Variants in RUNX2 observed in about 807,000 individuals in gnomAD.
RUNX2 encodes the protein RUNX family transcription factor 2, also known as runt-related transcription factor 2.
RUNX2 carries 10 observed loss-of-function variants against 51.7 expected under a neutral mutation model. The observed-to-expected ratio is 0.19, with a 90% CI of 0.12 to 0.33. The LOEUF (loss-of-function observed/expected upper bound fraction) is 0.33. Among genes scored for constraint, RUNX2 ranks in the 10% least tolerant of loss-of-function variants. The pLI, the probability that RUNX2 is intolerant of heterozygous loss-of-function variation, is 1.00. For missense variants in RUNX2, 562 were observed against 691.3 expected (o/e 0.81, Z 2.10); for synonymous variants, 276 against 273.6 (o/e 1.01, Z -0.09).
At chr6:45,440,196 A>G (rs779938250) in intron 5 of RUNX2, among the ~76,000 whole-genome samples, 2 of 152,208 alleles carry the variant, frequency 1.3e-5, no homozygotes, top group Non-Finnish European at 2.9e-5. Context: ...GGAGAGAAGC[A>G]TGGGTCTGCT....
intron 5 of RUNX2, among the ~76,000 whole-genome samples, chr6:45,479,821 A>G (rs10214519): frequency 0.26 from 40,252 of 152,152 alleles, 6,043 homozygotes; most frequent in Non-Finnish European, 0.34. Context: ...GCTTGAGAAT[A>G]ATACACTTTA....
At chr6:45,352,862 T>C (rs1425315957) in intron 2 of RUNX2, among the ~76,000 whole-genome samples, 2 of 152,106 alleles carry the variant, frequency 1.3e-5, no homozygotes, top group African/African-American at 2.4e-5. Flanking sequence ...GTTTTATATA[T>C]CTATAAAAAA....
intron 2 of RUNX2, among the ~76,000 whole-genome samples, chr6:45,341,869 T>C (rs556153008): frequency 1.3e-5 from 2 of 152,302 alleles, no homozygotes; most frequent in South Asian, 2.1e-4. Context: ...TTCACACTTA[T>C]TTCATCAGAA....
At chr6:45,380,871 G>A (rs768499498) in intron 2 of RUNX2, among the ~76,000 whole-genome samples, 3 of 152,148 alleles carry the variant, frequency 2.0e-5, no homozygotes, top group African/African-American at 7.2e-5. Flanking sequence ...CACCGCACCC[G>A]GCCAGAAGTG....
At position 45,473,949 on chromosome 6, in the gene RUNX2, C is replaced by A. The variant is rs562533164; in HGVS notation, c.686-17992C>A. On this transcript the variant is annotated intron_variant, in intron 5 of 8. Transcript: ENST00000647337. ...ATGGTCACCAGGTCCTGGAAAGAAG[C>A]AGGCTCAGCTGCCGCAGCACCGCCA... 9.8e-5 allele frequency among the ~76,000 whole-genome samples: 15 copies of A among 152,312 alleles called. No homozygotes were observed. In the South Asian group the frequency reaches 2.9e-3, roughly 29 times the overall value.
intron 2 of RUNX2, among the ~76,000 whole-genome samples, chr6:45,404,114 G>T (rs757166321): frequency 6.6e-6 from 1 of 151,820 alleles, no homozygotes; most frequent in Non-Finnish European, 1.5e-5. Flanking sequence ...ACAAAAATTA[G>T]CCGGGTGCGG....
At chr6:45,383,349 A>C (rs1269352735) in intron 2 of RUNX2, among the ~76,000 whole-genome samples, 1 of 152,138 alleles carries the variant, frequency 6.6e-6, no homozygotes, top group Non-Finnish European at 1.5e-5. Flanking sequence ...AGGCAGGAGA[A>C]TCGCTTGGAC....
At chr6:45,434,384 T>C (rs1798624099) in intron 4 of RUNX2, among the ~76,000 whole-genome samples, 1 of 152,216 alleles carries the variant, frequency 6.6e-6, no homozygotes, top group Non-Finnish European at 1.5e-5. Flanking sequence ...CTTTCCCGGC[T>C]TTAAATATTT....
At chr6:45,522,523 G>GT (rs1323748254) in intron 7 of RUNX2, among the ~76,000 whole-genome samples, 2 of 152,168 alleles carry the variant, frequency 1.3e-5, no homozygotes, top group East Asian at 3.9e-4. Context: ...TAAAAATTAC[G>GT]TATGTTTGAT....
intron 2 of RUNX2, chr6:45,372,165 A>C (rs939439419): frequency 3.5e-6 from 1 of 288,998 alleles, no homozygotes; most frequent in African/African-American, 2.3e-5. Context: ...GTTAAATTAT[A>C]GGCTCTAACA....
At chr6:45,371,889 G>A (rs1796125333) in intron 2 of RUNX2, 1 of 943,506 alleles carries the variant, frequency 1.1e-6, no homozygotes, top group Non-Finnish European at 1.3e-6. Context: ...CATTTTTCAG[G>A]TGAGGAACTG....
intron 4 of RUNX2, among the ~76,000 whole-genome samples, chr6:45,432,838 G>T (rs1330748164): frequency 1.3e-5 from 2 of 152,116 alleles, no homozygotes; most frequent in East Asian, 3.9e-4. Context: ...GAAGCATTAT[G>T]CTTATTTATT....
At chr6:45,482,266 T>A (rs990517044) in intron 5 of RUNX2, among the ~76,000 whole-genome samples, 1 of 152,212 alleles carries the variant, frequency 6.6e-6, no homozygotes, top group South Asian at 2.1e-4. Flanking sequence ...ACGTCTCAAG[T>A]TTTTTTAGTC....
Position 45,547,353 on chromosome 6 carries a change from GT to G in RUNX2, c.*49del. 7.4e-7 allele frequency: 1 copy of G among 1,342,890 alleles called. No individual in the cohort carries two copies. Among genetic ancestry groups the G allele is most frequent in the Non-Finnish European group, 1.1e-6 (1 of 934,704 alleles). The allele number at this position is 1,342,890 out of a possible 1,614,324, so 83.2% of individuals were successfully genotyped here. A position where few individuals can be genotyped will look rare whatever the true frequency, so the allele number is the denominator to read the frequency against. On this transcript the variant is annotated 3_prime_UTR_variant, in exon 9 of 9. Coordinates refer to ENST00000647337, the MANE Select transcript of RUNX2 (RefSeq NM_001024630.4). ...GGTATCTGGGGGCCACATCCCACACGTATCAATATATACATATATAGAGAGA... is the reference window on the plus strand; with the variant it reads ...GGTATCTGGGGGCCACATCCCACACGATCAATATATACATATATAGAGAGA...
chr6:45,401,012 T>G (rs1224878692), intron 2 of RUNX2, among the ~76,000 whole-genome samples: 1 of 152,194 alleles, frequency 6.6e-6, no homozygotes, highest in Non-Finnish European at 1.5e-5. Context: ...TATGAGTGTT[T>G]GCTGTTTAAA....
chr6:45,532,042 T>C (rs1368082778), intron 7 of RUNX2, among the ~76,000 whole-genome samples: 1 of 152,140 alleles, frequency 6.6e-6, no homozygotes, highest in Non-Finnish European at 1.5e-5. Flanking sequence ...CTTAAAAAGT[T>C]AGTAGTGTTC....
At chr6:45,510,079 T>G (rs1306608630) in intron 6 of RUNX2, among the ~76,000 whole-genome samples, 1 of 152,238 alleles carries the variant, frequency 6.6e-6, no homozygotes, top group African/African-American at 2.4e-5. Flanking sequence ...CATTTACCGT[T>G]TCTCTGAATA....
intron 5 of RUNX2, among the ~76,000 whole-genome samples, chr6:45,488,331 T>A (rs1001646504): frequency 6.6e-6 from 1 of 152,060 alleles, no homozygotes; most frequent in East Asian, 1.9e-4. Context: ...AAATAGGATT[T>A]TTTTGGAGGG....
At chr6:45,510,270 T>A (rs1801101680) in intron 6 of RUNX2, among the ~76,000 whole-genome samples, 1 of 152,268 alleles carries the variant, frequency 6.6e-6, no homozygotes, top group Admixed American at 6.5e-5. Flanking sequence ...GAAAAGTTTG[T>A]TAACCACTTA....
Sources: allele counts gnomAD v4.1 joint callset (sites outside exome capture counted in the v4.1 genomes callset), GRCh38; gene constraint gnomAD v4.1.1; transcripts MANE v1.5; gene names NCBI Gene and HGNC (gene_info 2026-07-23, HGNC 2026-07-21).